GPR63: variants seen among roughly 807,000 people sequenced by gnomAD.
GPR63 encodes probable G protein-coupled receptor 63.
In GPR63, 12 loss-of-function variants were observed where a neutral mutation model predicts 23.1. That is an observed-to-expected ratio of 0.52 (90% CI 0.33 to 0.84). The LOEUF is 0.84. Among genes scored for constraint, GPR63 ranks in the 40% least tolerant of loss-of-function variants. The pLI, the probability that GPR63 is intolerant of heterozygous loss-of-function variation, is 0.02. For missense variants in GPR63, 472 were observed against 515.6 expected, an observed-to-expected ratio of 0.92 and a Z score of 0.82; for synonymous variants, 172 against 191.1, an observed-to-expected ratio of 0.90 and a Z score of 0.82.
rs117705989 is a variant in GPR63 at position 96,817,084 on chromosome 6, A to G, written c.-150-17203T>C. Among the ~76,000 whole-genome samples the G allele has an allele frequency of 5.4e-4, 83 of 152,356 alleles. 1 individual carries two copies. In the East Asian group the frequency reaches 0.013, roughly 23 times the overall value. ...AGCCAAAAGGCAGAAGACATTTGCA[A>G]TCACTAAAGACAAAGGACTCATCCT... On this transcript the variant is annotated intron_variant, in intron 1 of 1. Transcript: ENST00000229955.
rs142472332 is a variant in GPR63, at chr6:96,831,342, A to T, written c.-151+5926T>A. On this transcript the variant is annotated intron_variant, in intron 1 of 1. Transcript: ENST00000229955. Reference sequence around the variant, plus strand: ...GGTTTTGGATTGAGGCTAAATCTCTATAAAATGGGGTTATTTCATTTGGAA... The same window carrying T: ...GGTTTTGGATTGAGGCTAAATCTCTTTAAAATGGGGTTATTTCATTTGGAA... Among the ~76,000 whole-genome samples, 705 of 152,192 alleles carry T rather than the reference A, an allele frequency of 4.6e-3. 6 individuals carry two copies. The highest frequency in any genetic ancestry group is 0.032 in the East Asian group (165 of 5,168).
At chr6:96,808,597 T>C (rs548232121) in intron 1 of GPR63, among the ~76,000 whole-genome samples, 1 of 152,298 alleles carries the variant, frequency 6.6e-6, no homozygotes, top group Non-Finnish European at 1.5e-5. Flanking sequence ...GATGCTGCAG[T>C]AATATAAATG....
At chr6:96,837,206 C>T (rs546474216) in intron 1 of GPR63, 62 bp downstream of exon 1, 7 of 152,458 alleles carry the variant, frequency 4.6e-5, no homozygotes, top group African/African-American at 1.4e-4. Context: ...CTCCCCGCCC[C>T]GAGCGGCTAC....
rs181998938 is a variant in GPR63 at position 96,825,755 on chromosome 6, T to A, written c.-151+11513A>T. 2.8e-3 allele frequency among the ~76,000 whole-genome samples: 429 copies of A among 152,204 alleles called. 5 individuals are homozygous for A. The highest frequency in any genetic ancestry group is 4.1e-3 in the Admixed American group (63 of 15,290). On this transcript the variant is annotated intron_variant, in intron 1 of 1. Coordinates refer to ENST00000229955, the MANE Select transcript of GPR63 (RefSeq NM_030784.4). ...TTTTAGTCCATAATCACCTGATGAA[T>A]GGAATCATTCCCCAAAAATAATCAA... is the stretch of plus-strand genomic sequence containing the variant.
rs2127939933 is a variant in GPR63 at position 96,798,375 on chromosome 6, A to G, written c.*97T>C. 7.8e-7 allele frequency: 1 copy of G among 1,283,530 alleles called. No homozygotes were observed. The highest frequency in any genetic ancestry group is 2.3e-5 in the East Asian group (1 of 42,596). 79.5% of individuals were successfully genotyped at this position (1,283,530 alleles called of 1,614,324 possible). On this transcript the variant is annotated 3_prime_UTR_variant, in exon 2 of 2. Coordinates refer to ENST00000229955, the MANE Select transcript of GPR63 (RefSeq NM_030784.4). Reference sequence around the variant, plus strand: ...ACTGCTCACACACATACATACACAAACCCTATAAAAAAAAATAAAGTGGAG... The same window carrying G: ...ACTGCTCACACACATACATACACAAGCCCTATAAAAAAAAATAAAGTGGAG...
intron 1 of GPR63, among the ~76,000 whole-genome samples, chr6:96,829,469 G>A (rs1774525187): frequency 6.6e-6 from 1 of 152,194 alleles, no homozygotes; most frequent in African/African-American, 2.4e-5. Flanking sequence ...AAAATGGGAA[G>A]ATGGCTTGAG....
Position 96,797,546 on chromosome 6 carries a change from C to T in GPR63, c.*926G>A, listed in dbSNP as rs982362386. The T allele has an allele frequency of 1.1e-4, 16 of 152,154 alleles. No individual in the cohort carries two copies. Among genetic ancestry groups the T allele is most frequent in the African/African-American group, 3.9e-4 (16 of 41,416 alleles). 9.4% of individuals were successfully genotyped at this position (152,154 alleles called of 1,614,324 possible). A position where few individuals can be genotyped will look rare whatever the true frequency, so the allele number is the denominator to read the frequency against. ...CTTTCTTCACCTGTAAAAATGAAAA[C>T]AATAATACCTACCTCACAACATCCT... On this transcript the variant is annotated 3_prime_UTR_variant, in exon 2 of 2. Coordinates refer to ENST00000229955, the MANE Select transcript of GPR63 (RefSeq NM_030784.4).
chr6:96,834,249 A>C (rs2127963399), intron 1 of GPR63, among the ~76,000 whole-genome samples: 2 of 152,318 alleles, frequency 1.3e-5, no homozygotes, highest in Admixed American at 1.3e-4. Flanking sequence ...CAAATCCTAA[A>C]GCATGTTGGG....
chr6:96,807,406 G>A (rs1042156739), intron 1 of GPR63, among the ~76,000 whole-genome samples: 1 of 152,222 alleles, frequency 6.6e-6, no homozygotes, highest in African/African-American at 2.4e-5. Flanking sequence ...ATCTCCTGGA[G>A]ACACTAGCCA....
intron 1 of GPR63, among the ~76,000 whole-genome samples, chr6:96,819,423 A>T (rs1255699977): frequency 6.6e-6 from 1 of 152,170 alleles, no homozygotes; most frequent in East Asian, 1.9e-4. Flanking sequence ...GGGAACAGAA[A>T]ACCAAACACA....
Position 96,828,271 on chromosome 6 carries a change from G to A in GPR63, c.-151+8997C>T, listed in dbSNP as rs562158475. 7.4e-4 allele frequency among the ~76,000 whole-genome samples: 113 copies of A among 152,134 alleles called. 3 individuals carry two copies. The highest frequency in any genetic ancestry group is 6.2e-4 in the South Asian group (3 of 4,802). ...ATGGCCTTCCCTCTGTGTATGCAGA[G>A]GGAGAGAGAGATCTCTGTACCTCCA... is the stretch of plus-strand genomic sequence containing the variant. On this transcript the variant is annotated intron_variant, in intron 1 of 1. Transcript: ENST00000229955.
At position 96,798,194 on chromosome 6, in the gene GPR63, T is replaced by C. The variant is rs187130438; in HGVS notation, c.*278A>G. The stretch of plus-strand genomic sequence containing the variant: ...TAAAGCACAATCCTGATTCCCACTA[T>C]GAAAACAAAATCAATCAAGGAAAAA... On this transcript the variant is annotated 3_prime_UTR_variant, in exon 2 of 2. Transcript: ENST00000229955. 3 of 341,960 alleles carry C rather than the reference T, an allele frequency of 8.8e-6. No individual in the cohort carries two copies. In the Admixed American group the frequency reaches 1.3e-4, roughly 15 times the overall value. The allele number at this position is 341,960 out of a possible 1,614,324, so 21.2% of individuals were successfully genotyped here. A position where few individuals can be genotyped will look rare whatever the true frequency, so the allele number is the denominator to read the frequency against.
In GPR63 at chr6:96,798,342, T is replaced by G. The variant is rs114666191; in HGVS notation, c.*130A>C. On this transcript the variant is annotated 3_prime_UTR_variant, in exon 2 of 2. Coordinates refer to ENST00000229955, the MANE Select transcript of GPR63 (RefSeq NM_030784.4). Reference sequence around the variant, plus strand: ...GTAACAGAACTATAATTACCATTCTTTCTTTACACTGCTCACACACATACA... The same window carrying G: ...GTAACAGAACTATAATTACCATTCTGTCTTTACACTGCTCACACACATACA... 9.7e-4 allele frequency: 841 copies of G among 864,548 alleles called. 8 individuals carry two copies. The African/African-American group carries it at 0.011, about 11-fold the overall frequency. The allele number at this position is 864,548 out of a possible 1,614,324, so 53.6% of individuals were successfully genotyped here. A position where few individuals can be genotyped will look rare whatever the true frequency, so the allele number is the denominator to read the frequency against.
chr6:96,805,024 G>A (rs1773861347), intron 1 of GPR63, among the ~76,000 whole-genome samples: 1 of 151,876 alleles, frequency 6.6e-6, no homozygotes, highest in Non-Finnish European at 1.5e-5. Context: ...TGAAGTTTTT[G>A]TTCAAGTCCT....
At chr6:96,810,639 A>G (rs868867598) in intron 1 of GPR63, among the ~76,000 whole-genome samples, 4 of 152,318 alleles carry the variant, frequency 2.6e-5, no homozygotes, top group Non-Finnish European at 4.4e-5. Flanking sequence ...AAAAGAAAAA[A>G]TTAACATGCA....
intron 1 of GPR63, among the ~76,000 whole-genome samples, chr6:96,814,326 T>C (rs1050748035): frequency 1.3e-5 from 2 of 152,134 alleles, no homozygotes; most frequent in Non-Finnish European, 2.9e-5. Flanking sequence ...ATCATTATAT[T>C]AGGGGCAGAA....
intron 1 of GPR63, among the ~76,000 whole-genome samples, chr6:96,831,130 T>C (rs578061314): frequency 2.1e-3 from 317 of 152,346 alleles, no homozygotes; most frequent in Middle Eastern, 0.017. Flanking sequence ...TAGAGATGAC[T>C]ATACAGGAAA....
intron 1 of GPR63, among the ~76,000 whole-genome samples, chr6:96,816,663 G>A (rs944071371): frequency 6.6e-6 from 1 of 152,162 alleles, no homozygotes; most frequent in Non-Finnish European, 1.5e-5. Context: ...GTTTTCTCAA[G>A]GCAGCTGAGA....
chr6:96,830,283 A>C (rs1429301303), intron 1 of GPR63, among the ~76,000 whole-genome samples: 1 of 152,230 alleles, frequency 6.6e-6, no homozygotes, highest in Non-Finnish European at 1.5e-5. Flanking sequence ...AACATTCTTT[A>C]AAAGTAACAT....
Sources: allele counts gnomAD v4.1 joint callset (sites outside exome capture counted in the v4.1 genomes callset), GRCh38; gene constraint gnomAD v4.1.1; transcripts MANE v1.5; gene names NCBI Gene and HGNC (gene_info 2026-07-23, HGNC 2026-07-21).